Variants in C3orf20 observed in about 807,000 individuals in gnomAD.
C3orf20 encodes uncharacterized protein C3orf20.
In C3orf20, 76 loss-of-function variants were observed where a neutral mutation model predicts 88.3. The ratio of observed to expected loss-of-function variants is 0.86; its 90% CI spans 0.72 to 1.04. The LOEUF is 1.04. Ranked by LOEUF, C3orf20 falls within the 50% of genes least tolerant of loss-of-function variation. The pLI is 0.00. For missense variants in C3orf20, 1,056 were observed against 1,123.3 expected (o/e 0.94, Z 0.86); for synonymous variants, 436 against 437.4 (o/e 1.00, Z 0.04).
Position 14,772,663 on chromosome 3 carries a change from G to A in C3orf20, c.2631-128G>A, listed in dbSNP as rs965008722. ...AGGTGCCACCGGGGCCCTCTGGTTG[G>A]AACAGCACCCAACAGCCTCACCTGT... On this transcript the variant is annotated intron_variant, in intron 16 of 16. Transcript: ENST00000253697. The surrounding 1 kb of genome is among the most constrained non-coding windows in gnomAD (Gnocchi z 4.2). 1.4e-5 allele frequency: 10 copies of A among 713,562 alleles called. No individual in the cohort carries two copies. Among genetic ancestry groups the A allele is most frequent in the African/African-American group, 5.4e-5 (3 of 56,018 alleles). 44.2% of individuals were successfully genotyped at this position (713,562 alleles called of 1,614,324 possible). A position where few individuals can be genotyped will look rare whatever the true frequency, so the allele number is the denominator to read the frequency against.
intron 12 of C3orf20, among the ~76,000 whole-genome samples, chr3:14,739,946 A>G (rs2034851383): frequency 6.6e-6 from 1 of 152,246 alleles, no homozygotes; most frequent in South Asian, 2.1e-4. Flanking sequence ...ACTGACTAAT[A>G]AGAATATTAT....
At chr3:14,769,525 C>T (rs1056149649) in intron 15 of C3orf20, among the ~76,000 whole-genome samples, 2 of 152,070 alleles carry the variant, frequency 1.3e-5, no homozygotes, top group East Asian at 3.9e-4. Flanking sequence ...TCAGAAGAGG[C>T]AGGAAGAGAC....
At chr3:14,746,476 G>A (rs750005569) in intron 12 of C3orf20, among the ~76,000 whole-genome samples, 2 of 152,202 alleles carry the variant, frequency 1.3e-5, no homozygotes, top group Admixed American at 6.5e-5. Context: ...GGTCTTGACT[G>A]TAATTTAATT....
At chr3:14,685,459 T>C (rs13065325) in intron 4 of C3orf20, among the ~76,000 whole-genome samples, 1 of 59,754 alleles carries the variant, frequency 1.7e-5, no homozygotes, top group Non-Finnish European at 3.6e-5. Flanking sequence ...TCTCTCTCTG[T>C]TTCTCTCTCT....
At chr3:14,707,445 TTGTGTGTGTGTGTGTGTGTGTG>T (rs36047273) in intron 7 of C3orf20, among the ~76,000 whole-genome samples, 52 of 136,372 alleles carry the variant, frequency 3.8e-4, no homozygotes, top group African/African-American at 1.3e-3. Flanking sequence ...GCATCTTTTC[TTGTGTGTGTGTGTGTGTGTGTG>T]TGTGTGTGTG....
Position 14,704,544 on chromosome 3 carries a change from T to G in C3orf20, c.1086T>G (p.His362Gln). The change falls in exon 7 of 17, where the codon CAT becomes CAG. Residue 362 changes from histidine to glutamine, a missense_variant. Coordinates refer to ENST00000253697, the MANE Select transcript of C3orf20 (RefSeq NM_032137.5). ...CTGCCAACCATCATTTCAGTCAGCA[T>G]TGTCAAGAGGGGAAGGCACCCAAGA... is the stretch of plus-strand genomic sequence containing the variant. Reference protein sequence around the residue: ...PSSANHHFSQHCQEGKAPKKA... With the variant: ...PSSANHHFSQQCQEGKAPKKA... 6.2e-7 allele frequency: 1 copy of G among 1,614,124 alleles called. No individual in the cohort carries two copies. Among genetic ancestry groups the G allele is most frequent in the Non-Finnish European group, 8.5e-7 (1 of 1,180,024 alleles).
At chr3:14,760,661 G>GTGC (rs1180980047) in intron 14 of C3orf20, among the ~76,000 whole-genome samples, 52 of 137,370 alleles carry the variant, frequency 3.8e-4, no homozygotes, top group African/African-American at 1.3e-3. Flanking sequence ...CCAGGCTGGA[G>GTGC]TGCAGTGGTG....
Position 14,722,543 on chromosome 3 carries a change from C to T in C3orf20, c.1566+759C>T, listed in dbSNP as rs13315737. 3.3e-3 allele frequency: 1,497 copies of T among 456,762 alleles called. 10 individuals are homozygous for T. Among genetic ancestry groups the T allele is most frequent in the African/African-American group, 0.028 (1,388 of 50,206 alleles). The allele number at this position is 456,762 out of a possible 1,614,324, so 28.3% of individuals were successfully genotyped here. A position where few individuals can be genotyped will look rare whatever the true frequency, so the allele number is the denominator to read the frequency against. ...TACCAGTGCATGTTGATGACCCTCTCTCTACCACCCTCTTCTCATCCCAGG... is the reference window on the plus strand; with the variant it reads ...TACCAGTGCATGTTGATGACCCTCTTTCTACCACCCTCTTCTCATCCCAGG... On this transcript the variant is annotated intron_variant, in intron 10 of 16. Transcript: ENST00000253697.
intron 9 of C3orf20, among the ~76,000 whole-genome samples, chr3:14,719,937 G>A (rs2034086337): frequency 6.6e-6 from 1 of 152,204 alleles, no homozygotes; most frequent in South Asian, 2.1e-4. Context: ...CAGAGCTTGA[G>A]CTCCCAACCG....
chr3:14,753,928 C>A (rs1277865607), intron 12 of C3orf20, among the ~76,000 whole-genome samples: 1 of 152,200 alleles, frequency 6.6e-6, no homozygotes, highest in African/African-American at 2.4e-5. Context: ...TGTATTGAGA[C>A]ATTCATTCAA....
chr3:14,746,726 A>C (rs1465691639), intron 12 of C3orf20, among the ~76,000 whole-genome samples: 1 of 152,192 alleles, frequency 6.6e-6, no homozygotes, highest in Admixed American at 6.5e-5. Flanking sequence ...AAGGAAAAAA[A>C]CTTTCTTTGG....
At chr3:14,734,543 G>A (rs563735301) in intron 12 of C3orf20, among the ~76,000 whole-genome samples, 40 of 152,082 alleles carry the variant, frequency 2.6e-4, no homozygotes, top group African/African-American at 8.9e-4. Flanking sequence ...TTGTGTTGTG[G>A]TCAGAGAAAA....
rs2032980963 is a variant in C3orf20 at position 14,696,036 on chromosome 3, G to A, written c.745+5920G>A. Reference sequence around the variant, plus strand: ...ATTTTGTTGTTTCTCTGGTTGTTTTGTGGTCTTCTCATTCTTCTTTCCTTC... The same window carrying A: ...ATTTTGTTGTTTCTCTGGTTGTTTTATGGTCTTCTCATTCTTCTTTCCTTC... On this transcript the variant is annotated intron_variant, in intron 5 of 16. Transcript: ENST00000253697. Among the ~76,000 whole-genome samples the A allele has an allele frequency of 2.0e-5, 3 of 151,122 alleles. No homozygotes were observed. The South Asian group carries it at 6.3e-4, about 32-fold the overall frequency.
intron 3 of C3orf20, 121 bp downstream of exon 3, chr3:14,683,318 T>A: frequency 3.9e-6 from 5 of 1,267,980 alleles, no homozygotes; most frequent in Non-Finnish European, 5.3e-6. Context: ...GCCTTCCCTC[T>A]GCGGCTCCTG....
intron 5 of C3orf20, among the ~76,000 whole-genome samples, chr3:14,690,515 G>A (rs1259653125): frequency 3.3e-5 from 5 of 152,168 alleles, no homozygotes; most frequent in African/African-American, 4.8e-5. Flanking sequence ...GAGGTATTTG[G>A]ATACCAAACC....
At position 14,704,469 on chromosome 3, in the gene C3orf20, C is replaced by A; in HGVS notation, c.1011C>A (p.Tyr337Ter). ...KGDSQTPGLHYPPTAGAQTLS... is the reference protein window; with the variant it reads ...KGDSQTPGLH ...ACTCTCAGACCCCGGGTTTACATTA[C>A]CCTCCCACTGCAGGTGCTCAGACTC... Residue 337 changes from tyrosine (Y) to a stop codon, truncating the protein, a stop_gained, in exon 7 of 17, where the codon TAC becomes TAA. Transcript: ENST00000253697. LOFTEE classifies it high-confidence loss of function. 6.2e-7 allele frequency: 1 copy of A among 1,614,144 alleles called. No individual in the cohort carries two copies. The highest frequency in any genetic ancestry group is 8.5e-7 in the Non-Finnish European group (1 of 1,180,018).
chr3:14,699,281 G>A (rs2033146915), intron 5 of C3orf20, among the ~76,000 whole-genome samples: 1 of 152,218 alleles, frequency 6.6e-6, no homozygotes, highest in Non-Finnish European at 1.5e-5. Flanking sequence ...GCAAGACGAA[G>A]TCCTCTTTAC....
At chr3:14,715,432 G>A in intron 9 of C3orf20, 23 bp downstream of exon 9, 1 of 1,602,958 alleles carries the variant, frequency 6.2e-7, no homozygotes, top group South Asian at 1.1e-5. Flanking sequence ...AGCACAGGTT[G>A]GGTGGCAGTG....
In C3orf20 at chr3:14,729,796, T is replaced by C. The variant is rs2034477370; in HGVS notation, c.1940+1108T>C. Reference sequence around the variant, plus strand: ...CCTGACCTCATGTGATCCACCCGCCTGGGCTCCCAAAGTGCTGGGATTACA... The same window carrying C: ...CCTGACCTCATGTGATCCACCCGCCCGGGCTCCCAAAGTGCTGGGATTACA... On this transcript the variant is annotated intron_variant, in intron 12 of 16. Coordinates refer to ENST00000253697, the MANE Select transcript of C3orf20 (RefSeq NM_032137.5). 2.0e-5 allele frequency among the ~76,000 whole-genome samples: 3 copies of C among 152,368 alleles called. No individual in the cohort carries two copies. In the South Asian group the frequency reaches 6.2e-4, roughly 32 times the overall value.
Sources: gnomAD v4.1 joint callset for allele counts (sites outside exome capture counted in the v4.1 genomes callset) on GRCh38, gnomAD v4.1.1 for gene constraint, Gnocchi (gnomAD v3.1) non-coding constraint, MANE v1.5 for transcripts, NCBI Gene and HGNC (gene_info 2026-07-23, HGNC 2026-07-21) for gene names.